TAF3: variants seen among roughly 807,000 people sequenced by gnomAD.
TAF3 encodes the protein transcription initiation factor TFIID subunit 3.
TAF3 carries 7 observed loss-of-function variants against 80.6 expected under a neutral mutation model. The observed-to-expected ratio is 0.09, with a 90% CI of 0.05 to 0.16. The LOEUF is 0.16. Ranked by LOEUF, TAF3 falls within the 10% of genes least tolerant of loss-of-function variation. TAF3 has a pLI of 1.00. For missense variants in TAF3, 921 were observed against 1,140.2 expected (o/e 0.81, Z 2.77); for synonymous variants, 444 against 446.1 (o/e 1.00, Z 0.06).
intron 4 of TAF3, among the ~76,000 whole-genome samples, chr10:8,004,760 G>A (rs1415680382): frequency 6.6e-6 from 1 of 152,042 alleles, no homozygotes; most frequent in Non-Finnish European, 1.5e-5. Context: ...CCTAGATATA[G>A]ATTTATTTTT....
chr10:7,952,399 A>G (rs1316913141), intron 2 of TAF3, among the ~76,000 whole-genome samples: 4 of 152,240 alleles, frequency 2.6e-5, no homozygotes, highest in Non-Finnish European at 5.9e-5. Context: ...TGTTGTCGTT[A>G]TCATAAATCA....
At chr10:7,887,104 A>G (rs1307374865) in intron 2 of TAF3, among the ~76,000 whole-genome samples, 1 of 151,980 alleles carries the variant, frequency 6.6e-6, no homozygotes, top group Non-Finnish European at 1.5e-5. Flanking sequence ...GCGTGGTGGC[A>G]GGCACCTGTA....
At chr10:7,913,205 G>T (rs1309343786) in intron 2 of TAF3, among the ~76,000 whole-genome samples, 1 of 152,180 alleles carries the variant, frequency 6.6e-6, no homozygotes, top group Non-Finnish European at 1.5e-5. Context: ...TAAAGGCCCT[G>T]TGTCTACATA....
intron 2 of TAF3, among the ~76,000 whole-genome samples, chr10:7,861,679 C>G (rs1157432575): frequency 6.6e-6 from 1 of 152,142 alleles, no homozygotes; most frequent in Admixed American, 6.5e-5. Context: ...ATTTGTCTTA[C>G]TGTTCCATGG....
chr10:7,957,164 T>A (rs1196273777), intron 2 of TAF3, among the ~76,000 whole-genome samples: 1 of 152,188 alleles, frequency 6.6e-6, no homozygotes, highest in Non-Finnish European at 1.5e-5. Flanking sequence ...TTACTATGCC[T>A]TTAGGGACAT....
chr10:7,970,320 G>C (rs1446946680), intron 3 of TAF3, among the ~76,000 whole-genome samples: 3 of 152,208 alleles, frequency 2.0e-5, no homozygotes, highest in African/African-American at 7.2e-5. Context: ...GTGCCTACAG[G>C]TTCCAGGCCT....
At chr10:7,844,305 A>G (rs1836947436) in intron 2 of TAF3, among the ~76,000 whole-genome samples, 1 of 151,876 alleles carries the variant, frequency 6.6e-6, no homozygotes, top group Non-Finnish European at 1.5e-5. Flanking sequence ...CTAGAGTCCC[A>G]GTACAACATG....
At position 8,009,117 on chromosome 10, in the gene TAF3, G is replaced by A. The variant is rs773760140; in HGVS notation, c.2355G>A (p.Pro785=). The A allele has an allele frequency of 1.6e-5, 26 of 1,600,502 alleles. 1 individual carries two copies. Among genetic ancestry groups the A allele is most frequent in the South Asian group, 7.7e-5 (7 of 91,012 alleles). ...TGGTCCCTGCCCCCGAGGCCAAGCC[G>A]GCGCCCTCGCAGAACAGGCCGAAGA... The part of the protein sequence containing the change: ...SKVVPAPEAK[P]APSQNRPKTP... The change falls in exon 5 of 7, where the codon CCG becomes CCA. Residue 785 remains proline, a synonymous_variant. Transcript: ENST00000344293. The surrounding 1 kb of genome is among the most constrained non-coding windows in gnomAD (Gnocchi z 4.1).
At chr10:7,974,133 TACACACACACACACACAC>T (rs56363651) in intron 3 of TAF3, among the ~76,000 whole-genome samples, 12 of 145,362 alleles carry the variant, frequency 8.3e-5, no homozygotes, top group Admixed American at 4.1e-4. Flanking sequence ...TTCTGAAACA[TACACACACACACACACAC>T]ACACACACAC....
intron 2 of TAF3, among the ~76,000 whole-genome samples, chr10:7,948,936 A>G (rs1202854929): frequency 6.6e-6 from 1 of 152,214 alleles, no homozygotes; most frequent in Non-Finnish European, 1.5e-5. Flanking sequence ...GAAAAGAGGG[A>G]AAAAAGCAAG....
At chr10:7,927,721 TATG>T (rs752825626) in intron 2 of TAF3, among the ~76,000 whole-genome samples, 26 of 152,192 alleles carry the variant, frequency 1.7e-4, no homozygotes, top group Non-Finnish European at 1.3e-4. Flanking sequence ...ATGAAATAAA[TATG>T]ATAATATATG....
rs931367014 is a variant in TAF3 at position 8,009,674 on chromosome 10, T to C, written c.2568+344T>C. ...TTCGCTCTTATTGCCCAACCTGGAATGCGGTGGTGAGATCTCAGCTCACTG... is the reference window on the plus strand; with the variant it reads ...TTCGCTCTTATTGCCCAACCTGGAACGCGGTGGTGAGATCTCAGCTCACTG... On this transcript the variant is annotated intron_variant, in intron 5 of 6. Coordinates refer to ENST00000344293, the MANE Select transcript of TAF3 (RefSeq NM_031923.4). The surrounding 1 kb of genome is among the most constrained non-coding windows in gnomAD (Gnocchi z 4.1). Among the ~76,000 whole-genome samples, 1 of 151,810 alleles carries C rather than the reference T, an allele frequency of 6.6e-6. No homozygotes were observed. The highest frequency in any genetic ancestry group is 6.6e-5 in the Admixed American group (1 of 15,236).
chr10:7,863,608 T>TAAAAA (rs1230925353), intron 2 of TAF3, among the ~76,000 whole-genome samples: 282 of 20,406 alleles, frequency 0.014, 21 homozygotes, highest in Non-Finnish European at 0.019. Flanking sequence ...AAACTCTGTC[T>TAAAAA]AAAAAAAAAA....
At chr10:7,901,288 C>T (rs183858301) in intron 2 of TAF3, among the ~76,000 whole-genome samples, 9 of 152,258 alleles carry the variant, frequency 5.9e-5, no homozygotes, top group East Asian at 3.9e-4. Context: ...CAAACCTCTG[C>T]GTAGTCCATG....
intron 2 of TAF3, among the ~76,000 whole-genome samples, chr10:7,944,762 AGAG>A (rs1201149705): frequency 3.3e-5 from 5 of 152,224 alleles, no homozygotes; most frequent in African/African-American, 7.2e-5. Context: ...TATGGGAACT[AGAG>A]GGAGCCACTG....
At chr10:7,897,107 A>C (rs1003912786) in intron 2 of TAF3, among the ~76,000 whole-genome samples, 2 of 152,134 alleles carry the variant, frequency 1.3e-5, no homozygotes, top group Non-Finnish European at 2.9e-5. Flanking sequence ...GCTACCAGCC[A>C]GGGAAGACTC....
intron 2 of TAF3, among the ~76,000 whole-genome samples, chr10:7,933,611 C>G (rs776764260): frequency 3.3e-5 from 5 of 152,204 alleles, no homozygotes; most frequent in Non-Finnish European, 7.3e-5. Flanking sequence ...GGACAGTATT[C>G]ACAGTGGTGA....
Position 7,818,550 on chromosome 10 carries a change from C to G in TAF3, c.-160C>G, listed in dbSNP as rs965023614. The G allele has an allele frequency of 4.4e-6, 3 of 687,916 alleles. No homozygotes were observed. Among genetic ancestry groups the G allele is most frequent in the African/African-American group, 1.9e-5 (1 of 52,812 alleles). The allele number at this position is 687,916 out of a possible 1,614,324, so 42.6% of individuals were successfully genotyped here. A position where few individuals can be genotyped will look rare whatever the true frequency, so the allele number is the denominator to read the frequency against. On this transcript the variant is annotated 5_prime_UTR_variant, in exon 1 of 7. Coordinates refer to ENST00000344293, the MANE Select transcript of TAF3 (RefSeq NM_031923.4). ...CAAAATGGCGGCTCTCAGGCTGGCG[C>G]GCTCCGTGCTGCTGGGGCTTTGAGG...
chr10:7,876,433 G>A (rs1281308230), intron 2 of TAF3, among the ~76,000 whole-genome samples: 1 of 152,132 alleles, frequency 6.6e-6, no homozygotes, highest in Non-Finnish European at 1.5e-5. Flanking sequence ...GTATTTTAAA[G>A]TACATATTGT....
Sources: gnomAD v4.1 joint callset for allele counts (sites outside exome capture counted in the v4.1 genomes callset) on GRCh38, gnomAD v4.1.1 for gene constraint, Gnocchi (gnomAD v3.1) non-coding constraint, MANE v1.5 for transcripts, NCBI Gene and HGNC (gene_info 2026-07-23, HGNC 2026-07-21) for gene names.